Variants in LCOR observed in about 807,000 individuals in gnomAD.
LCOR encodes ligand-dependent corepressor.
In LCOR, 14 loss-of-function variants were observed where a neutral mutation model predicts 64.4. The observed-to-expected ratio is 0.22, with a 90% CI of 0.14 to 0.34. LCOR has a LOEUF of 0.34. LCOR is among the 10% of genes least tolerant of loss of function. The pLI is 1.00. For missense variants in LCOR, 1,686 were observed against 1,765.3 expected, an observed-to-expected ratio of 0.96 and a Z score of 0.80; for synonymous variants, 643 against 642.5, an observed-to-expected ratio of 1.00 and a Z score of -0.01.
rs67974828 is a variant in LCOR, at chr10:96,849,061, C to CTTTTT, written c.-330+15608_-330+15612dup. On this transcript the variant is annotated intron_variant, in intron 2 of 7. Transcript: ENST00000421806. Reference sequence around the variant, plus strand: ...TCCTCTCTGTCACCTGGCTAATTGTCTTTTTTTTTTTTTTTTTTTTTTTTT... The same window carrying CTTTTT: ...TCCTCTCTGTCACCTGGCTAATTGTCTTTTTTTTTTTTTTTTTTTTTTTTTTTTTT... Among the ~76,000 whole-genome samples the CTTTTT allele has an allele frequency of 1.3e-3, 44 of 33,842 alleles. 3 individuals are homozygous for CTTTTT. The highest frequency in any genetic ancestry group is 4.4e-3 in the East Asian group (3 of 678). 22.2% of individuals were successfully genotyped at this position (33,842 alleles called of 152,430 possible). A position where few individuals can be genotyped will look rare whatever the true frequency, so the allele number is the denominator to read the frequency against.
At chr10:96,843,333 A>G (rs901455946) in intron 2 of LCOR, among the ~76,000 whole-genome samples, 1 of 151,992 alleles carries the variant, frequency 6.6e-6, no homozygotes, top group Non-Finnish European at 1.5e-5. Context: ...AGGTCTTGCT[A>G]TGTAGCCCAG....
intron 4 of LCOR, among the ~76,000 whole-genome samples, chr10:96,909,931 T>G (rs1846799613): frequency 6.6e-6 from 1 of 152,176 alleles, no homozygotes; most frequent in Admixed American, 6.5e-5. Context: ...TTAATAGGAA[T>G]TTTTGAAAAA....
chr10:96,922,204 A>C lies in LCOR; in HGVS notation c.-184+14457A>C, dbSNP rs572467979. Among the ~76,000 whole-genome samples the C allele has an allele frequency of 5.3e-5, 8 of 152,114 alleles. No homozygotes were observed. In the East Asian group the frequency reaches 1.3e-3, roughly 26 times the overall value. ...TATTTCTTATATATTTTTAAAAATAAAATTTCCTAAGTTTTTTTTTTCTAA... is the reference window on the plus strand; with the variant it reads ...TATTTCTTATATATTTTTAAAAATACAATTTCCTAAGTTTTTTTTTTCTAA... On this transcript the variant is annotated intron_variant, in intron 4 of 7. Transcript: ENST00000421806.
chr10:96,874,216 T>C (rs1469692943), intron 2 of LCOR, among the ~76,000 whole-genome samples: 1 of 152,210 alleles, frequency 6.6e-6, no homozygotes, highest in African/African-American at 2.4e-5. Flanking sequence ...TTTACAGATT[T>C]CTGCTGTTTT....
At chr10:96,839,770 CTG>C (rs1452269408) in intron 2 of LCOR, among the ~76,000 whole-genome samples, 1 of 152,010 alleles carries the variant, frequency 6.6e-6, no homozygotes, top group Non-Finnish European at 1.5e-5. Flanking sequence ...ATTGCAACCT[CTG>C]TCTTCCAGGT....
chr10:96,948,879 C>A, intron 5 of LCOR, 129 bp from the exon 6 acceptor site: 1 of 608,234 alleles, frequency 1.6e-6, no homozygotes, highest in Non-Finnish European at 2.7e-6. Flanking sequence ...AAACATAAGT[C>A]AAAGGGGAGA....
chr10:96,921,507 G>A (rs370510216), intron 4 of LCOR, among the ~76,000 whole-genome samples: 23 of 152,074 alleles, frequency 1.5e-4, no homozygotes, highest in African/African-American at 5.1e-4. Context: ...TATCTCCCAG[G>A]CTGGAGTACA....
chr10:96,948,996 C>A lies in LCOR; in HGVS notation c.-50-12C>A, dbSNP rs967426310. 29 of 1,557,056 alleles carry A rather than the reference C, an allele frequency of 1.9e-5. No homozygotes were observed. Among genetic ancestry groups the A allele is most frequent in the Non-Finnish European group, 2.5e-5 (29 of 1,146,192 alleles). On this transcript the variant is annotated splice_polypyrimidine_tract_variant and intron_variant, in intron 5 of 7. Coordinates refer to ENST00000421806, the MANE Select transcript of LCOR (RefSeq NM_001346516.2). Reference sequence around the variant, plus strand: ...TGTCCCACTTTAAAAGTAAATAAATCTTTATTTACAGACAGTCCCTGGGTC... The same window carrying A: ...TGTCCCACTTTAAAAGTAAATAAATATTTATTTACAGACAGTCCCTGGGTC...
chr10:96,912,875 T>A (rs190541783), intron 4 of LCOR, among the ~76,000 whole-genome samples: 13 of 150,814 alleles, frequency 8.6e-5, no homozygotes, highest in Non-Finnish European at 1.2e-4. Context: ...AGGAAGAACT[T>A]CTCTTTTCTC....
intron 7 of LCOR, among the ~76,000 whole-genome samples, chr10:96,975,278 A>G (rs1019747031): frequency 2.6e-5 from 4 of 152,184 alleles, no homozygotes; most frequent in African/African-American, 4.8e-5. Context: ...TTTTATTGCT[A>G]TATTGTAAAG....
intron 7 of LCOR, among the ~76,000 whole-genome samples, chr10:96,953,053 A>G (rs1188353453): frequency 6.6e-6 from 1 of 152,180 alleles, no homozygotes; most frequent in African/African-American, 2.4e-5. Flanking sequence ...ACTTACTGTT[A>G]ACTACCTTCA....
At chr10:96,920,751 T>TATATGTATACACACACACACACACAC (rs761907103) in intron 4 of LCOR, among the ~76,000 whole-genome samples, 10 of 118,884 alleles carry the variant, frequency 8.4e-5, no homozygotes, top group African/African-American at 3.9e-4. Flanking sequence ...TATATATGTA[T>TATATGTATACACACACACACACACAC]ACACACACAC....
chr10:96,871,340 G>A (rs548402886), intron 2 of LCOR, among the ~76,000 whole-genome samples: 1 of 152,022 alleles, frequency 6.6e-6, no homozygotes, highest in South Asian at 2.1e-4. Context: ...TACAGTGTGA[G>A]CCACCACTCC....
intron 2 of LCOR, among the ~76,000 whole-genome samples, chr10:96,848,042 TAA>T (rs1438095868): frequency 6.6e-6 from 1 of 152,248 alleles, no homozygotes; most frequent in Non-Finnish European, 1.5e-5. Flanking sequence ...AATTATTTCT[TAA>T]AACCATATGA....
intron 4 of LCOR, among the ~76,000 whole-genome samples, chr10:96,924,759 C>G (rs957243855): frequency 6.6e-6 from 1 of 152,174 alleles, no homozygotes; most frequent in African/African-American, 2.4e-5. Context: ...CATCACACCC[C>G]TCAGACCTCT....
intron 7 of LCOR, among the ~76,000 whole-genome samples, chr10:96,973,595 C>T (rs1445936593): frequency 1.3e-5 from 2 of 152,086 alleles, no homozygotes; most frequent in Non-Finnish European, 2.9e-5. Context: ...ACTTGTTATG[C>T]CTTGAAGAGG....
intron 2 of LCOR, among the ~76,000 whole-genome samples, chr10:96,897,101 C>CAA (rs370380714): frequency 0.22 from 17,108 of 78,608 alleles, 1,504 homozygotes; most frequent in African/African-American, 0.35. Context: ...GAAAGAAAAG[C>CAA]AAAAAAAAAA....
rs1470696856 is a variant in LCOR at position 96,981,793 on chromosome 10, A to T, written c.1333A>T (p.Ile445Leu). The T allele has an allele frequency of 1.2e-6, 2 of 1,614,230 alleles. No homozygotes were observed. The highest frequency in any genetic ancestry group is 2.7e-5 in the African/African-American group (2 of 75,062). The change falls in exon 8 of 8, where the codon ATA (isoleucine) becomes TTA (leucine). Residue 445 changes from isoleucine to leucine, a missense_variant. By Grantham distance (5) the Ile-to-Leu change is conservative. Around this residue, in one of 3 missense-constraint regions of LCOR, gnomAD observed 1,293 missense variants for 1,410.4 expected, o/e 0.92. Coordinates refer to ENST00000421806, the MANE Select transcript of LCOR (RefSeq NM_001346516.2). ...AANGHSRTKMISTSIKTARKS... is the reference protein window; with the variant it reads ...AANGHSRTKMLSTSIKTARKS... ...AAATGGACACTCAAGAACCAAGATG[A>T]TATCAACCTCCATCAAGACAGCTCG...
chr10:96,842,004 CA>C (rs1489369796), intron 2 of LCOR, among the ~76,000 whole-genome samples: 4 of 151,758 alleles, frequency 2.6e-5, no homozygotes, highest in Admixed American at 2.6e-4. Flanking sequence ...TTATCATTAT[CA>C]AAAAATGATT....
Sources: allele counts gnomAD v4.1 joint callset (sites outside exome capture counted in the v4.1 genomes callset), GRCh38; gene constraint gnomAD v4.1.1; regional missense constraint gnomAD v4.1.1; transcripts MANE v1.5; gene names NCBI Gene and HGNC (gene_info 2026-07-23, HGNC 2026-07-21).